The following AMBRA1 variants were observed in gnomAD, a reference collection of about 807,000 sequenced individuals.
The protein encoded by AMBRA1 is activating molecule in BECN1-regulated autophagy protein 1.
AMBRA1 carries 47 observed loss-of-function variants against 125.4 expected under a neutral mutation model. The observed-to-expected ratio is 0.37, with a 90% CI of 0.30 to 0.48. The LOEUF is 0.48. AMBRA1 is among the 20% of genes least tolerant of loss of function. The probability of loss-of-function intolerance (pLI) is 0.99; values close to 1 mark genes in which losing one functional copy is unlikely to be tolerated. For synonymous variants in AMBRA1, 626 were observed against 655.5 expected (o/e 0.95, Z 0.69); for missense variants, 1,331 against 1,693.4 (o/e 0.79, Z 3.76).
intron 11 of AMBRA1, among the ~76,000 whole-genome samples, chr11:46,445,693 C>T (rs1208781243): frequency 6.6e-6 from 1 of 152,042 alleles, no homozygotes; most frequent in Non-Finnish European, 1.5e-5. Flanking sequence ...GAATTGTTTC[C>T]TGGGCTTGCT....
intron 12 of AMBRA1, 97 bp from the exon 13 acceptor site, chr11:46,435,134 T>C: frequency 9.1e-7 from 1 of 1,102,136 alleles, no homozygotes; most frequent in Non-Finnish European, 1.3e-6. Flanking sequence ...CCTAAGGGCC[T>C]GAACCTTGTC....
At chr11:46,564,767 G>A (rs562742556) in intron 1 of AMBRA1, among the ~76,000 whole-genome samples, 76 of 152,244 alleles carry the variant, frequency 5.0e-4, no homozygotes, top group African/African-American at 1.1e-3. Context: ...AAGAAGGAGC[G>A]AACCTCACTG....
intron 7 of AMBRA1, among the ~76,000 whole-genome samples, chr11:46,525,127 C>T (rs963418935): frequency 6.6e-6 from 1 of 151,626 alleles, no homozygotes; most frequent in South Asian, 2.1e-4. Context: ...ATAGGGAGAC[C>T]TCATCTCTAC....
In AMBRA1 at chr11:46,542,115, C is replaced by G; in HGVS notation, c.1902G>C (p.Leu634Phe). ...GQTPSSSRLE[L>F]SSSASPQEER... ...CCTCCTGCGGACTAGCAGAGCTGCT[C>G]AACTCCAGCCTGCTGGAGCTGGGCG... is the stretch of plus-strand genomic sequence containing the variant. The change falls in exon 7 of 18, where the codon TTG (leucine) becomes TTC (phenylalanine). Residue 634 changes from leucine to phenylalanine, a missense_variant. By Grantham distance (22) the Leu-to-Phe change is conservative. This residue lies in a region of AMBRA1 where 689 missense variants were observed against 776.5 expected (regional missense o/e 0.89). Transcript: ENST00000683756. The surrounding 1 kb of genome is among the most constrained non-coding windows in gnomAD (Gnocchi z 5.9). 6.2e-7 allele frequency: 1 copy of G among 1,613,998 alleles called. No individual in the cohort carries two copies. Among genetic ancestry groups the G allele is most frequent in the Non-Finnish European group, 8.5e-7 (1 of 1,179,976 alleles).
intron 9 of AMBRA1, among the ~76,000 whole-genome samples, chr11:46,502,644 T>G (rs1302949541): frequency 6.6e-6 from 1 of 152,224 alleles, no homozygotes; most frequent in Admixed American, 6.5e-5. Context: ...TCAGGAGAAC[T>G]TGAAATACAT....
intron 14 of AMBRA1, among the ~76,000 whole-genome samples, chr11:46,423,532 C>T (rs1344446067): frequency 2.0e-5 from 3 of 151,774 alleles, no homozygotes; most frequent in African/African-American, 7.3e-5. Flanking sequence ...GCTGGGACTA[C>T]AGGCGCCTGC....
chr11:46,535,523 G>T (rs1017981776), intron 7 of AMBRA1, among the ~76,000 whole-genome samples: 4 of 152,072 alleles, frequency 2.6e-5, no homozygotes, highest in African/African-American at 9.7e-5. Context: ...TAAAGAAAAA[G>T]CATCAGTAGG....
chr11:46,552,913 AATT>A (rs905643980), intron 1 of AMBRA1, among the ~76,000 whole-genome samples: 4 of 151,966 alleles, frequency 2.6e-5, no homozygotes, highest in Non-Finnish European at 5.9e-5. Flanking sequence ...TAATTTTAAA[AATT>A]ATTATTACCA....
chr11:46,542,511 G>C lies in AMBRA1; in HGVS notation c.1506C>G (p.Asp502Glu), dbSNP rs1952798026. ...CATACTCCAGAAAGAAGCGTCTCAGGTCACACTGAAGCTCATGGCGAATGC... is the reference window on the plus strand; with the variant it reads ...CATACTCCAGAAAGAAGCGTCTCAGCTCACACTGAAGCTCATGGCGAATGC... ...SGSIRHELQC[D>E]LRRFFLEYDR... Residue 502 changes from aspartate (D) to glutamate (E), a missense_variant, in exon 7 of 18, where the codon GAC (aspartate) becomes GAG (glutamate). Asp to Glu is a conservative substitution (Grantham distance 45). Around this residue, in one of 4 missense-constraint regions of AMBRA1, gnomAD observed 689 missense variants for 776.5 expected, o/e 0.89. Coordinates refer to ENST00000683756, the MANE Select transcript of AMBRA1 (RefSeq NM_001387011.1). The surrounding 1 kb of genome is among the most constrained non-coding windows in gnomAD (Gnocchi z 5.9). 1.2e-6 allele frequency: 2 copies of C among 1,613,322 alleles called. No homozygotes were observed. The highest frequency in any genetic ancestry group is 2.7e-5 in the African/African-American group (2 of 74,918).
intron 7 of AMBRA1, among the ~76,000 whole-genome samples, chr11:46,534,363 C>T (rs942876266): frequency 6.6e-6 from 1 of 151,848 alleles, no homozygotes; most frequent in African/African-American, 2.4e-5. Context: ...GGCGTGGTGG[C>T]AGGCGCCTGT....
intron 1 of AMBRA1, among the ~76,000 whole-genome samples, chr11:46,572,964 GC>G (rs1411771059): frequency 6.6e-6 from 1 of 151,544 alleles, no homozygotes; most frequent in Non-Finnish European, 1.5e-5. Flanking sequence ...GGTGGTGGAC[GC>G]CTGTAATCCC....
intron 1 of AMBRA1, among the ~76,000 whole-genome samples, chr11:46,564,144 C>CA (rs563596004): frequency 0.019 from 703 of 37,850 alleles, 22 homozygotes; most frequent in African/African-American, 0.037. Context: ...AACTCCGTCT[C>CA]AAAAAAAAAA....
At position 46,569,440 on chromosome 11, in the gene AMBRA1, A is replaced by AAAATATATATATAT. The variant is rs1477022124; in HGVS notation, c.-120-20941_-120-20940insATATATATATATTT. ...ATCACTGAGAGATTAAAAAAAAAAA[A>AAAATATATATATAT]ATATATATATATATATATATATATA... On this transcript the variant is annotated intron_variant, in intron 1 of 17. Coordinates refer to ENST00000683756, the MANE Select transcript of AMBRA1 (RefSeq NM_001387011.1). Among the ~76,000 whole-genome samples, 255 of 131,304 alleles carry AAAATATATATATAT rather than the reference A, an allele frequency of 1.9e-3. 2 individuals carry two copies. Among genetic ancestry groups the AAAATATATATATAT allele is most frequent in the African/African-American group, 6.9e-3 (235 of 34,008 alleles). The allele number at this position is 131,304 out of a possible 152,430, so 86.1% of individuals were successfully genotyped here.
intron 11 of AMBRA1, among the ~76,000 whole-genome samples, chr11:46,484,610 C>G (rs1341402880): frequency 6.6e-6 from 1 of 152,006 alleles, no homozygotes; most frequent in Non-Finnish European, 1.5e-5. Flanking sequence ...TATACGCATT[C>G]CCTTTCCACT....
At chr11:46,559,458 G>A (rs966561891) in intron 1 of AMBRA1, among the ~76,000 whole-genome samples, 2 of 152,058 alleles carry the variant, frequency 1.3e-5, no homozygotes, top group African/African-American at 2.4e-5. Context: ...ACTATAAGTA[G>A]GGAAGAAGAA....
At position 46,545,641 on chromosome 11, in the gene AMBRA1, C is replaced by T. The variant is rs1198639362; in HGVS notation, c.514G>A (p.Ala172Thr). The T allele has an allele frequency of 2.5e-6, 4 of 1,614,094 alleles. No homozygotes were observed. Among genetic ancestry groups the T allele is most frequent in the Non-Finnish European group, 3.4e-6 (4 of 1,179,974 alleles). Residue 172 changes from alanine (A) to threonine (T), a missense_variant, in exon 5 of 18, where the codon GCT becomes ACT. Transcript: ENST00000683756. ...FWDWSRREPF[A>T]VVKTASEMER... is the part of the protein sequence containing the mutation. ...ATCTCACTAGCTGTCTTCACCACAGCAAAGGGTTCCCGTCGACTCCAGTCC... is the reference window on the plus strand; with the variant it reads ...ATCTCACTAGCTGTCTTCACCACAGTAAAGGGTTCCCGTCGACTCCAGTCC...
chr11:46,577,102 A>C (rs1203182799), intron 1 of AMBRA1, among the ~76,000 whole-genome samples: 1 of 152,210 alleles, frequency 6.6e-6, no homozygotes, highest in Non-Finnish European at 1.5e-5. Context: ...AGGACCTGCA[A>C]TTCCATTCCT....
intron 1 of AMBRA1, among the ~76,000 whole-genome samples, chr11:46,587,930 A>T (rs1228763562): frequency 6.6e-6 from 1 of 152,206 alleles, no homozygotes; most frequent in Non-Finnish European, 1.5e-5. Context: ...CTGACCTCAG[A>T]AAAAAACACG....
rs1554974275 is a variant in AMBRA1 at position 46,443,470 on chromosome 11, C to T, written c.2632+18G>A. ...AATATAACCCTTCCACTGATACCCC[C>T]ATTTGACATTGACTTACCATTACTG... On this transcript the variant is annotated intron_variant, in intron 12 of 17. Coordinates refer to ENST00000683756, the MANE Select transcript of AMBRA1 (RefSeq NM_001387011.1). The T allele has an allele frequency of 1.9e-6, 3 of 1,592,884 alleles. No individual in the cohort carries two copies. The highest frequency in any genetic ancestry group is 2.6e-6 in the Non-Finnish European group (3 of 1,160,702).
Sources: allele counts gnomAD v4.1 joint callset (sites outside exome capture counted in the v4.1 genomes callset), GRCh38; gene constraint gnomAD v4.1.1; regional missense constraint gnomAD v4.1.1; non-coding constraint Gnocchi (gnomAD v3.1); transcripts MANE v1.5; gene names NCBI Gene and HGNC (gene_info 2026-07-23, HGNC 2026-07-21).